The following ENTHD1 variants were observed in gnomAD, a reference collection of about 807,000 sequenced individuals.
ENTHD1 encodes the protein ENTH domain containing 1.
Under a neutral mutation model 39.1 loss-of-function variants are expected in ENTHD1, and 23 were observed. That is an observed-to-expected ratio of 0.59 (90% CI 0.42 to 0.83). The LOEUF is 0.83. ENTHD1 is among the 40% of genes least tolerant of loss of function. ENTHD1 has a pLI of 0.00. For synonymous variants in ENTHD1, 230 were observed against 258.2 expected (o/e 0.89, Z 1.05); for missense variants, 624 against 705.4 (o/e 0.88, Z 1.31).
At chr22:39,762,014 A>G (rs1305646376) in intron 6 of ENTHD1, among the ~76,000 whole-genome samples, 1 of 152,180 alleles carries the variant, frequency 6.6e-6, no homozygotes, top group African/African-American at 2.4e-5. Flanking sequence ...CATTTGGATG[A>G]TACATTGTAA....
At chr22:39,748,107 G>C (rs776617496) in intron 6 of ENTHD1, among the ~76,000 whole-genome samples, 3 of 152,006 alleles carry the variant, frequency 2.0e-5, no homozygotes, top group African/African-American at 7.2e-5. Context: ...AAATTAGTTG[G>C]GCATGGTGGT....
chr22:39,782,436 G>A (rs2065418226), intron 5 of ENTHD1, among the ~76,000 whole-genome samples: 1 of 151,412 alleles, frequency 6.6e-6, no homozygotes, highest in South Asian at 2.1e-4. Flanking sequence ...AACTGAAGAG[G>A]AGAGAATACT....
rs533944469 is a variant in ENTHD1, at chr22:39,748,172, C to T, written c.1220-3889G>A. 1.0e-3 allele frequency among the ~76,000 whole-genome samples: 156 copies of T among 150,914 alleles called. 3 individuals carry two copies. The South Asian group carries it at 0.011, about 10-fold the overall frequency. On this transcript the variant is annotated intron_variant, in intron 6 of 6. Transcript: ENST00000325157. ...ACTAAAGTGGGAGGACCACCTGAGC[C>T]TGGGAGTTTGAGGCTGCAGTGAGCC...
chr22:39,874,724 T>C (rs545186385), intron 2 of ENTHD1, among the ~76,000 whole-genome samples: 54 of 152,280 alleles, frequency 3.5e-4, no homozygotes, highest in African/African-American at 1.3e-3. Flanking sequence ...CAGGCAATAC[T>C]TGAACAGGCA....
At chr22:39,795,058 A>G (rs1047040002) in intron 5 of ENTHD1, among the ~76,000 whole-genome samples, 21 of 152,154 alleles carry the variant, frequency 1.4e-4, no homozygotes, top group Admixed American at 1.2e-3. Flanking sequence ...CTGATGTGGT[A>G]TATATTTATT....
chr22:39,793,877 G>C (rs1204614304), intron 5 of ENTHD1, among the ~76,000 whole-genome samples: 1 of 152,112 alleles, frequency 6.6e-6, no homozygotes, highest in Non-Finnish European at 1.5e-5. Flanking sequence ...AATATATTTT[G>C]AAGTCAGGTA....
In ENTHD1 at chr22:39,847,506, T is replaced by TAA. The variant is rs539997167; in HGVS notation, c.593-11550_593-11549dup. On this transcript the variant is annotated intron_variant, in intron 3 of 6. Coordinates refer to ENST00000325157, the MANE Select transcript of ENTHD1 (RefSeq NM_152512.4). ...CATTGTGCACGTGTACCCTAAAACT[T>TAA]AAAGTATAATAATAATAATAAATAA... Among the ~76,000 whole-genome samples, 394 of 151,150 alleles carry TAA rather than the reference T, an allele frequency of 2.6e-3. 1 individual carries two copies. The highest frequency in any genetic ancestry group is 9.1e-3 in the African/African-American group (373 of 41,168).
chr22:39,799,126 C>T, intron 5 of ENTHD1, among the ~76,000 whole-genome samples: 1 of 152,212 alleles, frequency 6.6e-6, no homozygotes, highest in Non-Finnish European at 1.5e-5. Context: ...GTGGGGTGAT[C>T]TCCAGGCTCC....
At chr22:39,805,433 G>A (rs757232799) in intron 5 of ENTHD1, among the ~76,000 whole-genome samples, 14 of 152,224 alleles carry the variant, frequency 9.2e-5, no homozygotes, top group Non-Finnish European at 1.6e-4. Context: ...GAGGGTGGCA[G>A]AAGTGAAAGG....
At chr22:39,864,042 C>T (rs1402340181) in intron 2 of ENTHD1, among the ~76,000 whole-genome samples, 2 of 152,276 alleles carry the variant, frequency 1.3e-5, no homozygotes, top group Non-Finnish European at 2.9e-5. Flanking sequence ...TTCCATAACC[C>T]GAATTTCCAC....
At chr22:39,890,745 A>G (rs2066420358) in intron 1 of ENTHD1, among the ~76,000 whole-genome samples, 1 of 152,190 alleles carries the variant, frequency 6.6e-6, no homozygotes, top group Admixed American at 6.5e-5. Context: ...AGAATTAAAT[A>G]CAACCCCAAC....
chr22:39,792,784 C>T (rs889612274), intron 5 of ENTHD1, among the ~76,000 whole-genome samples: 2 of 152,012 alleles, frequency 1.3e-5, no homozygotes, highest in African/African-American at 4.8e-5. Flanking sequence ...TTTGAATGTC[C>T]GAGTATCCCA....
rs913654978 is a variant in ENTHD1 at position 39,765,243 on chromosome 22, A to T, written c.1199T>A (p.Ile400Asn). The change falls in exon 6 of 7, where the codon ATC becomes AAC. Residue 400 changes from isoleucine to asparagine, a missense_variant. Transcript: ENST00000325157. Reference protein sequence around the residue: ...AQSSIQMDDKILKTTTRVSTA... With the variant: ...AQSSIQMDDKNLKTTTRVSTA... ...CTCACCCCGTGTGGTTGTCTTGAGGATTTTATCATCCATCTGAATGCTGGA... is the reference window on the plus strand; with the variant it reads ...CTCACCCCGTGTGGTTGTCTTGAGGTTTTTATCATCCATCTGAATGCTGGA... 1.2e-6 allele frequency: 2 copies of T among 1,604,062 alleles called. No individual in the cohort carries two copies. Among genetic ancestry groups the T allele is most frequent in the Non-Finnish European group, 8.5e-7 (1 of 1,176,322 alleles).
At chr22:39,756,287 G>GTCTCTGTC (rs1555921049) in intron 6 of ENTHD1, among the ~76,000 whole-genome samples, 1 of 144,336 alleles carries the variant, frequency 6.9e-6, no homozygotes, top group African/African-American at 2.6e-5. Flanking sequence ...CAATGTCTCT[G>GTCTCTGTC]TCTCTCTCTC....
intron 3 of ENTHD1, among the ~76,000 whole-genome samples, chr22:39,858,200 G>C (rs935576189): frequency 6.6e-6 from 1 of 152,176 alleles, no homozygotes; most frequent in East Asian, 1.9e-4. Flanking sequence ...TTGCAACAAT[G>C]TTCACAGCTT....
At chr22:39,744,431 G>T in intron 6 of ENTHD1, 148 bp from the exon 7 acceptor site, 1 of 684,222 alleles carries the variant, frequency 1.5e-6, no homozygotes, top group Non-Finnish European at 2.2e-6. Context: ...TTCATAATAA[G>T]CTTAAAAAAA....
chr22:39,821,664 C>G lies in ENTHD1; in HGVS notation c.712-551G>C, dbSNP rs150157721. On this transcript the variant is annotated intron_variant, in intron 4 of 6. Transcript: ENST00000325157. ...AATAATCCCTTATTTCATTATGTAT[C>G]TCTGCCTTAGTCCATTCCGGTCACT... Among the ~76,000 whole-genome samples, 854 of 152,290 alleles carry G rather than the reference C, an allele frequency of 5.6e-3. 14 individuals are homozygous for G. Among genetic ancestry groups the G allele is most frequent in the Middle Eastern group, 0.048 (14 of 294 alleles).
At chr22:39,839,935 T>G (rs1182442840) in intron 3 of ENTHD1, among the ~76,000 whole-genome samples, 1 of 152,196 alleles carries the variant, frequency 6.6e-6, no homozygotes, top group Non-Finnish European at 1.5e-5. Context: ...ACCTATCTTA[T>G]GAGGCAAGAA....
intron 2 of ENTHD1, among the ~76,000 whole-genome samples, chr22:39,872,283 T>C (rs116802797): frequency 0.011 from 1,602 of 152,318 alleles, 20 homozygotes; most frequent in African/African-American, 0.036. Context: ...TCTAGAGCAA[T>C]TTAAAAAATA....
Sources: gnomAD v4.1 joint callset for allele counts (sites outside exome capture counted in the v4.1 genomes callset) on GRCh38, gnomAD v4.1.1 for gene constraint, MANE v1.5 for transcripts, NCBI Gene and HGNC (gene_info 2026-07-23, HGNC 2026-07-21) for gene names.